ZMAT4: variants seen among roughly 807,000 people sequenced by gnomAD.
ZMAT4 encodes the protein zinc finger matrin-type 4, also known as zinc finger matrin-type protein 4.
Under a neutral mutation model 28.7 loss-of-function variants are expected in ZMAT4, and 17 were observed. The observed-to-expected ratio is 0.59, with a 90% CI of 0.41 to 0.89. The LOEUF (loss-of-function observed/expected upper bound fraction) is 0.89. Among genes scored for constraint, ZMAT4 ranks in the 40% least tolerant of loss-of-function variants. The pLI is 0.00. For synonymous variants in ZMAT4, 117 were observed against 109.2 expected (o/e 1.07, Z -0.44); for missense variants, 240 against 283.8 (o/e 0.85, Z 1.11).
intron 3 of ZMAT4, among the ~76,000 whole-genome samples, chr8:40,755,246 G>A (rs1034328290): frequency 1.6e-4 from 24 of 152,254 alleles, no homozygotes; most frequent in Admixed American, 1.5e-3. Context: ...AGGAAGAGAA[G>A]AAAGGCACCT....
At chr8:40,659,970 T>C (rs1808113358) in intron 5 of ZMAT4, among the ~76,000 whole-genome samples, 1 of 152,222 alleles carries the variant, frequency 6.6e-6, no homozygotes, top group East Asian at 1.9e-4. Flanking sequence ...AAATCAGGAC[T>C]CTTATTTACA....
chr8:40,893,864 T>G (rs1022278025), intron 1 of ZMAT4, among the ~76,000 whole-genome samples: 7 of 152,182 alleles, frequency 4.6e-5, no homozygotes, highest in African/African-American at 1.4e-4. Flanking sequence ...CCCCTCTTCA[T>G]GTCCATGTGT....
At chr8:40,730,137 C>T (rs1002898587) in intron 3 of ZMAT4, among the ~76,000 whole-genome samples, 1 of 152,110 alleles carries the variant, frequency 6.6e-6, no homozygotes, top group Non-Finnish European at 1.5e-5. Flanking sequence ...CACAATTATC[C>T]ATGAATGGAA....
chr8:40,618,844 C>A (rs1244534675), intron 5 of ZMAT4, among the ~76,000 whole-genome samples: 1 of 152,126 alleles, frequency 6.6e-6, no homozygotes, highest in African/African-American at 2.4e-5. Flanking sequence ...TCCCCAGAAG[C>A]GATGGATTCA....
chr8:40,560,294 A>T (rs1803693195), intron 6 of ZMAT4, among the ~76,000 whole-genome samples: 1 of 151,860 alleles, frequency 6.6e-6, no homozygotes, highest in Non-Finnish European at 1.5e-5. Flanking sequence ...TAACACCGCC[A>T]ATTATAGACA....
chr8:40,896,537 C>T (rs1430850345), intron 1 of ZMAT4, among the ~76,000 whole-genome samples: 1 of 152,216 alleles, frequency 6.6e-6, no homozygotes, highest in African/African-American at 2.4e-5. Flanking sequence ...CCAAGCACAT[C>T]GCCTGCTTCC....
chr8:40,539,332 A>T (rs1802953093), intron 6 of ZMAT4, among the ~76,000 whole-genome samples: 2 of 152,180 alleles, frequency 1.3e-5, no homozygotes, highest in East Asian at 1.9e-4. Context: ...TCACTCCCAG[A>T]TCCTCACATT....
chr8:40,694,372 T>A (rs1585890191), intron 4 of ZMAT4, among the ~76,000 whole-genome samples: 1 of 152,104 alleles, frequency 6.6e-6, no homozygotes, highest in East Asian at 1.9e-4. Flanking sequence ...AGAATTCAGG[T>A]TCCTGTTTTG....
chr8:40,569,788 A>T (rs764903940), intron 6 of ZMAT4, among the ~76,000 whole-genome samples: 2 of 152,200 alleles, frequency 1.3e-5, no homozygotes, highest in Non-Finnish European at 2.9e-5. Context: ...TAGTAGGCCT[A>T]GCTGGACCCA....
At chr8:40,587,069 A>G (rs1277097104) in intron 5 of ZMAT4, among the ~76,000 whole-genome samples, 1 of 151,644 alleles carries the variant, frequency 6.6e-6, no homozygotes, top group East Asian at 1.9e-4. Flanking sequence ...AGAGGCCCAG[A>G]GTGGAAATGG....
chr8:40,659,540 C>CT (rs542570279), intron 5 of ZMAT4, among the ~76,000 whole-genome samples: 78 of 152,140 alleles, frequency 5.1e-4, no homozygotes, highest in African/African-American at 1.9e-3. Flanking sequence ...CAAAATAAAC[C>CT]TTTTTTTGTG....
chr8:40,774,900 A>G (rs1467592781), intron 2 of ZMAT4, among the ~76,000 whole-genome samples: 1 of 152,208 alleles, frequency 6.6e-6, no homozygotes, highest in Non-Finnish European at 1.5e-5. Flanking sequence ...AATCATTCCA[A>G]TAATCAGATG....
chr8:40,581,355 G>T, intron 5 of ZMAT4, 94 bp from the exon 6 acceptor site: 1 of 1,027,892 alleles, frequency 9.7e-7, no homozygotes. Context: ...ACACAGTGTC[G>T]GAGATAACTC....
chr8:40,646,945 G>A (rs957222714), intron 5 of ZMAT4, among the ~76,000 whole-genome samples: 20 of 152,306 alleles, frequency 1.3e-4, no homozygotes, highest in African/African-American at 4.1e-4. Context: ...CAAATCATAT[G>A]TTTGGCCATA....
intron 6 of ZMAT4, among the ~76,000 whole-genome samples, chr8:40,544,871 ATCCTGGGATCCATG>A (rs1211600825): frequency 4.6e-5 from 7 of 152,306 alleles, no homozygotes; most frequent in Admixed American, 1.3e-4. Flanking sequence ...AGGTCCCTGA[ATCCTGGGATCCATG>A]TCCTGGTATA....
intron 2 of ZMAT4, among the ~76,000 whole-genome samples, chr8:40,800,749 G>T (rs904476644): frequency 1.3e-5 from 2 of 152,108 alleles, no homozygotes; most frequent in Admixed American, 6.5e-5. Flanking sequence ...CAGTAAAGCA[G>T]TGTTTAAAGC....
intron 1 of ZMAT4, among the ~76,000 whole-genome samples, chr8:40,880,949 G>A (rs1207949664): frequency 1.3e-5 from 2 of 151,906 alleles, no homozygotes; most frequent in Admixed American, 6.6e-5. Context: ...CCAAACAACC[G>A]CCCAACTCCC....
At chr8:40,897,405 A>G (rs1236338201) in intron 1 of ZMAT4, among the ~76,000 whole-genome samples, 1 of 151,796 alleles carries the variant, frequency 6.6e-6, no homozygotes, top group South Asian at 2.1e-4. Context: ...CCGAATCTCC[A>G]CCCCAGCCCT....
chr8:40,762,725 G>A (rs1299350953), intron 3 of ZMAT4, among the ~76,000 whole-genome samples: 1 of 152,110 alleles, frequency 6.6e-6, no homozygotes. Flanking sequence ...TTCAAATCCA[G>A]CAACCACCAG....
Sources: allele counts gnomAD v4.1 joint callset (sites outside exome capture counted in the v4.1 genomes callset), GRCh38; gene constraint gnomAD v4.1.1; transcripts MANE v1.5; gene names NCBI Gene and HGNC (gene_info 2026-07-23, HGNC 2026-07-21).